Variants in SMURF1 observed in about 807,000 individuals in gnomAD.
SMURF1 encodes the protein SMAD specific E3 ubiquitin protein ligase 1.
Under a neutral mutation model 98.0 loss-of-function variants are expected in SMURF1, and 44 were observed. The ratio of observed to expected loss-of-function variants is 0.45; its 90% CI spans 0.35 to 0.58. The LOEUF (loss-of-function observed/expected upper bound fraction) is 0.58. Among genes scored for constraint, SMURF1 ranks in the 20% least tolerant of loss-of-function variants. The pLI is 0.00. For missense variants in SMURF1, 687 were observed against 938.4 expected (o/e 0.73, Z 3.50); for synonymous variants, 396 against 374.9 (o/e 1.06, Z -0.65).
At chr7:99,073,594 G>A (rs923936145) in intron 1 of SMURF1, among the ~76,000 whole-genome samples, 4 of 151,740 alleles carry the variant, frequency 2.6e-5, no homozygotes, top group Non-Finnish European at 4.4e-5. Context: ...GTGAAACCCC[G>A]TCTCTACCAA....
chr7:99,053,996 T>C (rs1054642478), intron 6 of SMURF1, among the ~76,000 whole-genome samples: 4 of 152,166 alleles, frequency 2.6e-5, no homozygotes, highest in African/African-American at 9.7e-5. Flanking sequence ...AGTGGTGTGA[T>C]CAGGGTTCAC....
chr7:99,095,063 G>GTTTAT (rs10525660), intron 1 of SMURF1, among the ~76,000 whole-genome samples: 114,470 of 149,604 alleles, frequency 0.77, 48,725 homozygotes, highest in Non-Finnish European at 0.94. Flanking sequence ...TGCTGTTTTT[G>GTTTAT]TTTATTTTAT....
chr7:99,116,822 C>CT (rs1441829840), intron 1 of SMURF1, among the ~76,000 whole-genome samples: 1 of 152,106 alleles, frequency 6.6e-6, no homozygotes, highest in Admixed American at 6.5e-5. Flanking sequence ...CCCCAAGTGC[C>CT]TTTTTTATAG....
intron 9 of SMURF1, 120 bp downstream of exon 9, chr7:99,049,443 T>A: frequency 9.5e-7 from 1 of 1,054,960 alleles, no homozygotes; most frequent in South Asian, 1.6e-5. Context: ...TTTAACATCA[T>A]TTTGACCATG....
At chr7:99,102,528 C>T (rs147335532) in intron 1 of SMURF1, among the ~76,000 whole-genome samples, 276 of 152,290 alleles carry the variant, frequency 1.8e-3, no homozygotes, top group Non-Finnish European at 3.2e-3. Flanking sequence ...ACTTTGATTA[C>T]TCATTATGTG....
Position 99,042,241 on chromosome 7 carries a change from AAAC to A in SMURF1, c.1257-12_1257-10del, listed in dbSNP as rs763404362. On this transcript the variant is annotated splice_polypyrimidine_tract_variant and intron_variant, in intron 11 of 17. Transcript: ENST00000361368. ...GCAAGTAAAGCCACTCCCTGGGAGCAAACAACAAAAATGCATTTGAGACGCGCT... is the reference window on the plus strand; with the variant it reads ...GCAAGTAAAGCCACTCCCTGGGAGCAAACAAAAATGCATTTGAGACGCGCT... 2 of 1,584,332 alleles carry A rather than the reference AAAC, an allele frequency of 1.3e-6. No individual in the cohort carries two copies. Among genetic ancestry groups the A allele is most frequent in the Non-Finnish European group, 1.7e-6 (2 of 1,163,200 alleles).
At chr7:99,057,324 G>T in intron 4 of SMURF1, 54 bp from the exon 5 acceptor site, 1 of 1,613,486 alleles carries the variant, frequency 6.2e-7, no homozygotes. Flanking sequence ...AGGGAGGAAG[G>T]CAGGAATTCA....
At chr7:99,045,916 A>T (rs1304779444) in intron 10 of SMURF1, 115 bp from the exon 11 acceptor site, 7 of 729,590 alleles carry the variant, frequency 9.6e-6, no homozygotes, top group Non-Finnish European at 1.7e-5. Flanking sequence ...TTCAAGTTTT[A>T]TCTGGCTCCT....
intron 14 of SMURF1, among the ~76,000 whole-genome samples, chr7:99,038,094 C>G (rs867892208): frequency 5.9e-5 from 9 of 152,226 alleles, no homozygotes; most frequent in African/African-American, 7.2e-5. Context: ...CAAGCTGCTG[C>G]TCTCTCCTTT....
At chr7:99,057,688 C>T (rs1795918580) in intron 3 of SMURF1, 137 bp from the exon 4 acceptor site, 4 of 1,042,704 alleles carry the variant, frequency 3.8e-6, no homozygotes, top group Non-Finnish European at 5.2e-6. Context: ...CACTGCAACT[C>T]CCAAGTTCAA....
chr7:99,066,674 A>C (rs544124218), intron 1 of SMURF1, among the ~76,000 whole-genome samples: 24 of 152,010 alleles, frequency 1.6e-4, no homozygotes, highest in African/African-American at 5.5e-4. Flanking sequence ...GCTACTTGGA[A>C]GGCAGAGATG....
intron 1 of SMURF1, among the ~76,000 whole-genome samples, chr7:99,117,874 G>C (rs1253201391): frequency 6.6e-6 from 1 of 151,786 alleles, no homozygotes; most frequent in East Asian, 2.0e-4. Context: ...GAGGTCAGGA[G>C]TTCAAGACCA....
intron 1 of SMURF1, among the ~76,000 whole-genome samples, chr7:99,111,803 G>A (rs1027884056): frequency 2.6e-5 from 4 of 152,142 alleles, no homozygotes; most frequent in African/African-American, 9.7e-5. Flanking sequence ...TATTCTCAAA[G>A]AATTGTGGTT....
At chr7:99,084,563 A>G (rs1439672461) in intron 1 of SMURF1, among the ~76,000 whole-genome samples, 2 of 152,162 alleles carry the variant, frequency 1.3e-5, no homozygotes, top group Non-Finnish European at 2.9e-5. Flanking sequence ...CTCACAGAAA[A>G]TAAACATCAA....
At position 99,035,686 on chromosome 7, in the gene SMURF1, A is replaced by G. The variant is rs746079863; in HGVS notation, c.1840T>C (p.Leu614=). ...LIIGGLDKID[L]NDWKSNTRLK... ...CGCGTGTTCGACTTCCAGTCGTTCAAGTCTATTTTATCCAGGCCGCCTATG... is the reference window on the plus strand; with the variant it reads ...CGCGTGTTCGACTTCCAGTCGTTCAGGTCTATTTTATCCAGGCCGCCTATG... Residue 614 remains leucine (L), a synonymous_variant, in exon 16 of 18, where the codon TTG becomes CTG. Coordinates refer to ENST00000361368, the MANE Select transcript of SMURF1 (RefSeq NM_181349.3). The G allele has an allele frequency of 6.2e-7, 1 of 1,614,152 alleles. No homozygotes were observed. The highest frequency in any genetic ancestry group is 1.1e-5 in the South Asian group (1 of 91,076).
intron 8 of SMURF1, chr7:99,051,081 A>G (rs1563005847): frequency 1.6e-6 from 2 of 1,271,880 alleles, no homozygotes; most frequent in Non-Finnish European, 2.2e-6. Context: ...TTTTAAGCAT[A>G]TAAAAAAGTT....
At chr7:99,072,740 TACAC>T (rs1223158636) in intron 1 of SMURF1, among the ~76,000 whole-genome samples, 2 of 152,188 alleles carry the variant, frequency 1.3e-5, no homozygotes, top group Admixed American at 6.5e-5. Context: ...CCCCAGGAAA[TACAC>T]ACAATCTTCT....
In SMURF1 at chr7:99,052,361, C is replaced by T; in HGVS notation, c.565G>A (p.Ala189Thr). Residue 189 changes from alanine (A) to threonine (T), a missense_variant, in exon 7 of 18, where the codon GCT becomes ACT. Physicochemically the swap from Ala to Thr is moderately conservative, Grantham distance 58. Coordinates refer to ENST00000361368, the MANE Select transcript of SMURF1 (RefSeq NM_181349.3). ...AACCTGCAATTCCCTCCTCCAGCAGCAGCACCGGTGCTATCTGTGTAAGGG... is the reference window on the plus strand; with the variant it reads ...AACCTGCAATTCCCTCCTCCAGCAGTAGCACCGGTGCTATCTGTGTAAGGG... ...PAPYTDSTGAAAGGGNCRFVE... is the reference protein window; with the variant it reads ...PAPYTDSTGATAGGGNCRFVE... The T allele has an allele frequency of 6.2e-7, 1 of 1,612,546 alleles. No homozygotes were observed. The highest frequency in any genetic ancestry group is 8.5e-7 in the Non-Finnish European group (1 of 1,179,292).
chr7:99,101,311 G>A (rs375717300), intron 1 of SMURF1, among the ~76,000 whole-genome samples: 20 of 152,256 alleles, frequency 1.3e-4, no homozygotes, highest in South Asian at 8.3e-4. Flanking sequence ...GCTCGAGGCT[G>A]TAGTGAGCTA....
Sources: gnomAD v4.1 joint callset for allele counts (sites outside exome capture counted in the v4.1 genomes callset) on GRCh38, gnomAD v4.1.1 for gene constraint, MANE v1.5 for transcripts, NCBI Gene and HGNC (gene_info 2026-07-23, HGNC 2026-07-21) for gene names.